The following HMMR variants were observed in gnomAD, a reference collection of about 807,000 sequenced individuals.
HMMR encodes intracellular hyaluronic acid-binding protein.
A neutral mutation model predicts 101.0 loss-of-function variants in HMMR; 108 were observed. The ratio of observed to expected loss-of-function variants is 1.07; its 90% CI spans 0.92 to 1.25. The LOEUF (loss-of-function observed/expected upper bound fraction) is 1.25, where lower values mean the gene tolerates loss of function less well. HMMR is among the 50% of genes most tolerant of loss of function. The probability of loss-of-function intolerance (pLI) is 0.00; values close to 1 mark genes in which losing one functional copy is unlikely to be tolerated. For missense variants in HMMR, 813 were observed against 788.7 expected (o/e 1.03, Z -0.37); for synonymous variants, 296 against 276.4 (o/e 1.07, Z -0.70).
At chr5:163,468,473 T>C (rs922677550) in intron 4 of HMMR, among the ~76,000 whole-genome samples, 2 of 152,210 alleles carry the variant, frequency 1.3e-5, no homozygotes, top group Non-Finnish European at 2.9e-5. Flanking sequence ...GTCTTTTTTT[T>C]CTGTTTCCAT....
Position 163,473,187 on chromosome 5 carries a change from T to C in HMMR, c.659T>C (p.Ile220Thr). 6.6e-7 allele frequency: 1 copy of C among 1,523,928 alleles called. No individual in the cohort carries two copies. The highest frequency in any genetic ancestry group is 2.3e-5 in the East Asian group (1 of 44,236). 94.4% of individuals were successfully genotyped at this position (1,523,928 alleles called of 1,614,324 possible). ...IAQLEGKLVS[I>T]EKEKIDEKSE... is the part of the protein sequence containing the mutation. ...TGCAATTTTTGTTTTAGTGTTTCAA[T>C]AGAGAAAGAAAAGATTGATGAAAAA... is the stretch of plus-strand genomic sequence containing the variant. Residue 220 changes from isoleucine (I) to threonine (T), a missense_variant, in exon 8 of 18, where the codon ATA becomes ACA. Transcript: ENST00000393915.
intron 9 of HMMR, 23 bp from the exon 10 acceptor site, chr5:163,474,034 T>C (rs1363673357): frequency 1.9e-6 from 3 of 1,593,916 alleles, no homozygotes; most frequent in Non-Finnish European, 2.6e-6. Context: ...ATTCCAGTAT[T>C]CTTGATGTTT....
chr5:163,467,371 A>G (rs1370702578), intron 3 of HMMR, among the ~76,000 whole-genome samples: 2 of 152,360 alleles, frequency 1.3e-5, no homozygotes, highest in East Asian at 3.9e-4. Context: ...CTGAGATAGC[A>G]TAATTAAATA....
intron 11 of HMMR, among the ~76,000 whole-genome samples, chr5:163,478,414 T>A (rs1759139742): frequency 6.6e-6 from 1 of 152,238 alleles, no homozygotes; most frequent in Non-Finnish European, 1.5e-5. Context: ...TCTTAAGATT[T>A]GGTTTTATAG....
chr5:163,473,120 A>G, intron 7 of HMMR, 59 bp from the exon 8 acceptor site: 1 of 870,648 alleles, frequency 1.1e-6, no homozygotes, highest in Non-Finnish European at 1.9e-6. Flanking sequence ...CATAAGCATT[A>G]TGTAAGATTA....
intron 12 of HMMR, among the ~76,000 whole-genome samples, chr5:163,481,243 G>A (rs1016260859): frequency 2.0e-5 from 3 of 151,330 alleles, no homozygotes; most frequent in African/African-American, 7.3e-5. Context: ...ATTTATAAGT[G>A]TATATGTTTT....
intron 12 of HMMR, among the ~76,000 whole-genome samples, chr5:163,480,713 G>C (rs1006028816): frequency 1.4e-4 from 22 of 152,060 alleles, no homozygotes; most frequent in Admixed American, 5.2e-4. Context: ...AGTGTACTTA[G>C]TGTAAAATGG....
At chr5:163,482,378 T>C (rs1759299608) in intron 12 of HMMR, among the ~76,000 whole-genome samples, 1 of 152,220 alleles carries the variant, frequency 6.6e-6, no homozygotes, top group Non-Finnish European at 1.5e-5. Context: ...TCATGCTTGG[T>C]AGTTGATTTC....
intron 9 of HMMR, 114 bp from the exon 10 acceptor site, chr5:163,473,943 T>C (rs1758984218): frequency 2.4e-6 from 2 of 826,122 alleles, no homozygotes; most frequent in African/African-American, 3.5e-5. Flanking sequence ...TTTTGTTTTC[T>C]TCTTTGGAAA....
intron 7 of HMMR, among the ~76,000 whole-genome samples, chr5:163,472,423 GTT>G (rs987875280): frequency 6.6e-6 from 1 of 152,030 alleles, no homozygotes; most frequent in African/African-American, 2.4e-5. Context: ...CATGTTTTAT[GTT>G]TTTTTATGGA....
chr5:163,484,433 T>A (rs1019726846), intron 16 of HMMR, among the ~76,000 whole-genome samples, 188 bp downstream of exon 16: 2 of 152,174 alleles, frequency 1.3e-5, no homozygotes, highest in African/African-American at 4.8e-5. Context: ...TCTAAAGTTT[T>A]CTAGCTACCT....
At chr5:163,471,331 C>T in intron 6 of HMMR, 32 bp from the exon 7 acceptor site, 1 of 1,609,806 alleles carries the variant, frequency 6.2e-7, no homozygotes, top group East Asian at 2.2e-5. Context: ...ACAACTTTCT[C>T]ATTTCCTAAA....
rs1759684509 is a variant in HMMR at position 163,491,190 on chromosome 5, A to G, written c.*26A>G. On this transcript the variant is annotated 3_prime_UTR_variant, in exon 18 of 18. Transcript: ENST00000393915. The stretch of plus-strand genomic sequence containing the variant: ...ACATCTGAGAAACCTGTTGAAGATT[A>G]TTTCATTCGTCTTGTTGTTATTGAT... 1 of 1,330,284 alleles carries G rather than the reference A, an allele frequency of 7.5e-7. No individual in the cohort carries two copies. The allele number at this position is 1,330,284 out of a possible 1,614,324, so 82.4% of individuals were successfully genotyped here. A position where few individuals can be genotyped will look rare whatever the true frequency, so the allele number is the denominator to read the frequency against.
At chr5:163,470,564 A>C (rs763995556) in intron 5 of HMMR, among the ~76,000 whole-genome samples, 1 of 152,178 alleles carries the variant, frequency 6.6e-6, no homozygotes, top group Non-Finnish European at 1.5e-5. Flanking sequence ...CTGAGGCATG[A>C]GAATAGCTTG....
At position 163,491,203 on chromosome 5, in the gene HMMR, T is replaced by G; in HGVS notation, c.*39T>G. 8.7e-7 allele frequency: 1 copy of G among 1,154,188 alleles called. No individual in the cohort carries two copies. Among genetic ancestry groups the G allele is most frequent in the Non-Finnish European group, 1.3e-6 (1 of 799,758 alleles). 71.5% of individuals were successfully genotyped at this position (1,154,188 alleles called of 1,614,324 possible). A position where few individuals can be genotyped will look rare whatever the true frequency, so the allele number is the denominator to read the frequency against. On this transcript the variant is annotated 3_prime_UTR_variant, in exon 18 of 18. Coordinates refer to ENST00000393915, the MANE Select transcript of HMMR (RefSeq NM_001142556.2). ...CTGTTGAAGATTATTTCATTCGTCT[T>G]GTTGTTATTGATGTTGCTGTTATTA...
At chr5:163,470,608 G>A (rs1346795474) in intron 5 of HMMR, among the ~76,000 whole-genome samples, 12 of 152,054 alleles carry the variant, frequency 7.9e-5, no homozygotes, top group Non-Finnish European at 1.5e-4. Context: ...TGAGCAACAC[G>A]GCACTCCAGC....
At chr5:163,479,259 C>G (rs892554442) in intron 12 of HMMR, among the ~76,000 whole-genome samples, 3 of 152,180 alleles carry the variant, frequency 2.0e-5, no homozygotes, top group African/African-American at 7.2e-5. Context: ...ATGAAATGTC[C>G]TAGTCTTTTA....
chr5:163,488,686 T>G (rs1256991392), intron 16 of HMMR, among the ~76,000 whole-genome samples: 1 of 152,194 alleles, frequency 6.6e-6, no homozygotes, highest in Non-Finnish European at 1.5e-5. Flanking sequence ...TCCGTGAACA[T>G]AGTGACTGTA....
chr5:163,478,931 C>T (rs924619207), intron 12 of HMMR, 131 bp downstream of exon 12: 17 of 570,208 alleles, frequency 3.0e-5, no homozygotes, highest in African/African-American at 1.1e-4. Context: ...AATCACCAAC[C>T]GTAAGTGGGC....
Sources: gnomAD v4.1 joint callset for allele counts (sites outside exome capture counted in the v4.1 genomes callset) on GRCh38, gnomAD v4.1.1 for gene constraint, MANE v1.5 for transcripts, NCBI Gene and HGNC (gene_info 2026-07-23, HGNC 2026-07-21) for gene names.